Variants in ADGRL3 observed in about 807,000 individuals in gnomAD.
The protein encoded by ADGRL3 is calcium-independent alpha-latrotoxin receptor 3.
ADGRL3 carries 62 observed loss-of-function variants against 153.5 expected under a neutral mutation model. That is an observed-to-expected ratio of 0.40 (90% confidence interval 0.33 to 0.50). ADGRL3 has a LOEUF of 0.50. Among genes scored for constraint, ADGRL3 ranks in the 20% least tolerant of loss-of-function variants. The probability of loss-of-function intolerance (pLI) is 0.47; values close to 1 mark genes in which losing one functional copy is unlikely to be tolerated. For synonymous variants in ADGRL3, 710 were observed against 672.5 expected (o/e 1.06, Z -0.86); for missense variants, 1,641 against 1,859.4 (o/e 0.88, Z 2.16).
chr4:61,864,878 T>C (rs963064035), intron 9 of ADGRL3, among the ~76,000 whole-genome samples: 16 of 152,200 alleles, frequency 1.1e-4, no homozygotes, highest in Non-Finnish European at 1.5e-5. Flanking sequence ...GGAACTAAAA[T>C]GAAATCAACG....
intron 8 of ADGRL3, among the ~76,000 whole-genome samples, chr4:61,770,777 A>G (rs1269561099): frequency 6.6e-6 from 1 of 152,238 alleles, no homozygotes; most frequent in Admixed American, 6.5e-5. Flanking sequence ...TGAATTTGCT[A>G]CTTCATATCG....
At chr4:62,015,920 T>G (rs1410899926) in intron 21 of ADGRL3, among the ~76,000 whole-genome samples, 1 of 151,892 alleles carries the variant, frequency 6.6e-6, no homozygotes, top group East Asian at 1.9e-4. Flanking sequence ...TTATAATATA[T>G]AAACTATCAA....
At chr4:61,856,241 C>A (rs1332919413) in intron 9 of ADGRL3, among the ~76,000 whole-genome samples, 1 of 151,950 alleles carries the variant, frequency 6.6e-6, no homozygotes, top group Non-Finnish European at 1.5e-5. Flanking sequence ...TTTCAAGGAA[C>A]TGTTTATGTC....
chr4:61,673,912 ATATAT>A (rs2095093622), intron 5 of ADGRL3, among the ~76,000 whole-genome samples: 2 of 151,150 alleles, frequency 1.3e-5, no homozygotes, highest in Admixed American at 1.3e-4. Flanking sequence ...ATAACTATAA[ATATAT>A]TATAGGCATA....
chr4:61,618,361 C>T (rs1268853761), intron 5 of ADGRL3, among the ~76,000 whole-genome samples: 1 of 152,180 alleles, frequency 6.6e-6, no homozygotes, highest in African/African-American at 2.4e-5. Flanking sequence ...CAAGATTGGG[C>T]ATAAAGTTAC....
At chr4:61,204,915 A>C (rs1193934954) in intron 1 of ADGRL3, among the ~76,000 whole-genome samples, 1 of 152,190 alleles carries the variant, frequency 6.6e-6, no homozygotes, top group Non-Finnish European at 1.5e-5. Flanking sequence ...ATGAATGGAA[A>C]GTCTTTCAGA....
chr4:61,665,143 GCTCCCGC>G (rs2094743181), intron 5 of ADGRL3, among the ~76,000 whole-genome samples: 1 of 152,196 alleles, frequency 6.6e-6, no homozygotes, highest in South Asian at 2.1e-4. Flanking sequence ...GGGCGCGGTG[GCTCCCGC>G]CTGTAATTCC....
chr4:61,993,212 C>T (rs1189208360), intron 19 of ADGRL3, among the ~76,000 whole-genome samples: 1 of 117,400 alleles, frequency 8.5e-6, no homozygotes. Context: ...CTGATCTAGT[C>T]TGGGAAAATG....
intron 5 of ADGRL3, among the ~76,000 whole-genome samples, chr4:61,668,883 G>A (rs941833056): frequency 6.6e-6 from 1 of 152,088 alleles, no homozygotes; most frequent in African/African-American, 2.4e-5. Flanking sequence ...GGTGGGCATG[G>A]TTATGTGTAC....
intron 2 of ADGRL3, among the ~76,000 whole-genome samples, chr4:61,473,931 A>C (rs773593998): frequency 3.1e-4 from 47 of 152,232 alleles, no homozygotes; most frequent in Non-Finnish European, 6.3e-4. Flanking sequence ...GAGTGGATAT[A>C]CACCTGTGGA....
At chr4:62,056,644 G>A (rs1444581762) in intron 25 of ADGRL3, among the ~76,000 whole-genome samples, 3 of 151,940 alleles carry the variant, frequency 2.0e-5, no homozygotes. Context: ...CTCCACTGTG[G>A]GCCAAAATTA....
chr4:61,678,985 A>G (rs1004680950), intron 6 of ADGRL3, among the ~76,000 whole-genome samples: 1 of 152,092 alleles, frequency 6.6e-6, no homozygotes, highest in Non-Finnish European at 1.5e-5. Flanking sequence ...ACCAGAGATC[A>G]GAGAGCATGG....
Position 61,527,910 on chromosome 4 carries a change from C to T in ADGRL3, c.259+10392C>T, listed in dbSNP as rs149175177. On this transcript the variant is annotated intron_variant, in intron 4 of 26. Coordinates refer to ENST00000683033, the MANE Select transcript of ADGRL3 (RefSeq NM_001387552.1). Reference sequence around the variant, plus strand: ...CATATCATACAGTTCCTGGTGCCTCCACTGTGTTCAAACTCCATTTTTCTT... The same window carrying T: ...CATATCATACAGTTCCTGGTGCCTCTACTGTGTTCAAACTCCATTTTTCTT... Among the ~76,000 whole-genome samples, 55 of 152,214 alleles carry T rather than the reference C, an allele frequency of 3.6e-4. 1 individual carries two copies. The highest frequency in any genetic ancestry group is 1.2e-3 in the Admixed American group (18 of 15,272).
intron 3 of ADGRL3, among the ~76,000 whole-genome samples, chr4:61,507,628 TG>T (rs757709567): frequency 9.2e-5 from 14 of 151,778 alleles, no homozygotes; most frequent in African/African-American, 3.4e-4. Context: ...CCACAGGTTG[TG>T]GGGGGGGACT....
At chr4:61,865,875 G>C (rs1023702334) in intron 9 of ADGRL3, among the ~76,000 whole-genome samples, 1 of 152,214 alleles carries the variant, frequency 6.6e-6, no homozygotes, top group Non-Finnish European at 1.5e-5. Flanking sequence ...TAGGAAGATG[G>C]ATAAAGATGA....
intron 9 of ADGRL3, among the ~76,000 whole-genome samples, chr4:61,875,810 G>A (rs1008318686): frequency 6.6e-6 from 1 of 152,116 alleles, no homozygotes; most frequent in Non-Finnish European, 1.5e-5. Flanking sequence ...CAACATATGT[G>A]AGGACTGATG....
chr4:61,296,231 G>A (rs2094407311), intron 1 of ADGRL3, among the ~76,000 whole-genome samples: 1 of 152,064 alleles, frequency 6.6e-6, no homozygotes, highest in African/African-American at 2.4e-5. Flanking sequence ...ATGTGATGAG[G>A]GAGACTTGTG....
intron 8 of ADGRL3, among the ~76,000 whole-genome samples, chr4:61,761,588 T>G (rs7691805): frequency 0.58 from 88,187 of 151,942 alleles, 28,023 homozygotes; most frequent in African/African-American, 0.83. Context: ...GAAGCGAGGA[T>G]TTCAATACCA....
intron 4 of ADGRL3, among the ~76,000 whole-genome samples, chr4:61,523,260 G>A (rs1319876797): frequency 6.6e-6 from 1 of 152,104 alleles, no homozygotes; most frequent in Admixed American, 6.6e-5. Context: ...GTATGAAGAT[G>A]AAAGATATTT....
Sources: gnomAD v4.1 joint callset for allele counts (sites outside exome capture counted in the v4.1 genomes callset) on GRCh38, gnomAD v4.1.1 for gene constraint, MANE v1.5 for transcripts, NCBI Gene and HGNC (gene_info 2026-07-23, HGNC 2026-07-21) for gene names.